Variants in VPS13B observed in about 807,000 individuals in gnomAD.
VPS13B encodes intermembrane lipid transfer protein VPS13B.
In VPS13B, 285 loss-of-function variants were observed where a neutral mutation model predicts 426.4. The observed-to-expected ratio is 0.67, with a 90% CI of 0.61 to 0.74. The LOEUF is 0.74. VPS13B is among the 30% of genes least tolerant of loss of function. VPS13B has a pLI of 0.00. For synonymous variants in VPS13B, 1,676 were observed against 1,676.4 expected (o/e 1.00, Z 0.01); for missense variants, 4,537 against 4,782.6 (o/e 0.95, Z 1.51).
intron 29 of VPS13B, among the ~76,000 whole-genome samples, chr8:99,513,030 A>C (rs1047816166): frequency 6.6e-6 from 1 of 151,872 alleles, no homozygotes; most frequent in African/African-American, 2.4e-5. Flanking sequence ...AAAAAAAAAA[A>C]ACCATAATGT....
At chr8:99,838,143 T>G (rs1224986121) in intron 54 of VPS13B, among the ~76,000 whole-genome samples, 2 of 152,236 alleles carry the variant, frequency 1.3e-5, no homozygotes, top group African/African-American at 4.8e-5. Flanking sequence ...GAAGTTGCTG[T>G]GGGCTTTCTG....
intron 6 of VPS13B, 81 bp downstream of exon 6, chr8:99,111,360 C>A: frequency 8.4e-7 from 1 of 1,185,742 alleles, no homozygotes; most frequent in Non-Finnish European, 1.2e-6. Context: ...TCATTATTAA[C>A]AAATGAAGAA....
chr8:99,190,957 A>AT (rs764129619), intron 16 of VPS13B, among the ~76,000 whole-genome samples: 5 of 151,930 alleles, frequency 3.3e-5, no homozygotes, highest in Non-Finnish European at 5.9e-5. Flanking sequence ...TTTCTTTAAC[A>AT]TTTTTTGTAG....
chr8:99,028,711 G>GTGGGGGGCTGACCC (rs1554573103), intron 2 of VPS13B, among the ~76,000 whole-genome samples: 1 of 139,814 alleles, frequency 7.2e-6, no homozygotes, highest in African/African-American at 2.7e-5. Flanking sequence ...GGCTGGCCGG[G>GTGGGGGGCTGACCC]TGGGGGGCTG....
chr8:99,809,421 AG>A lies in VPS13B; in HGVS notation c.7989del (p.Glu2663AspfsTer54). On this transcript the variant is annotated frameshift_variant, in exon 44 of 62. Coordinates refer to ENST00000357162, the MANE Select transcript of VPS13B (RefSeq NM_152564.5). LOFTEE classifies it high-confidence loss of function. ...IEGWGNWRWSEPFSVDHAGTF... is the reference protein window; with the variant it reads ...IEGWGNWRWSXPFSVDHAGTF... ...GGTTGGGGCAACTGGCGTTGGTCAG[AG>A]CCTTTCAGTGTGGACCATGCCGGGA... 1 of 1,613,974 alleles carries A rather than the reference AG, an allele frequency of 6.2e-7. No individual in the cohort carries two copies. The highest frequency in any genetic ancestry group is 8.5e-7 in the Non-Finnish European group (1 of 1,179,950).
chr8:99,387,308 C>T (rs1044002858), intron 20 of VPS13B, among the ~76,000 whole-genome samples: 3 of 152,024 alleles, frequency 2.0e-5, no homozygotes, highest in African/African-American at 7.3e-5. Flanking sequence ...GCCTTAACTT[C>T]GTGGGCTCAA....
chr8:99,575,165 T>TAA (rs1033570020), intron 31 of VPS13B, among the ~76,000 whole-genome samples: 2 of 150,574 alleles, frequency 1.3e-5, no homozygotes, highest in African/African-American at 4.9e-5. Context: ...GACCTTGTCT[T>TAA]AAAAAAAAAT....
At chr8:99,215,013 T>A (rs1257975303) in intron 17 of VPS13B, among the ~76,000 whole-genome samples, 1 of 152,312 alleles carries the variant, frequency 6.6e-6, no homozygotes, top group Admixed American at 6.5e-5. Flanking sequence ...GGAGCCCACC[T>A]TAAATGTCAG....
intron 19 of VPS13B, among the ~76,000 whole-genome samples, chr8:99,367,583 C>T (rs914271572): frequency 6.6e-6 from 1 of 152,308 alleles, no homozygotes; most frequent in East Asian, 1.9e-4. Context: ...AGTAAACTTT[C>T]TACACCTATA....
chr8:99,338,178 GT>G (rs1186813544), intron 19 of VPS13B, among the ~76,000 whole-genome samples: 2 of 151,876 alleles, frequency 1.3e-5, no homozygotes, highest in South Asian at 2.1e-4. Flanking sequence ...AGTACTATGT[GT>G]TTTTTGTTTT....
Position 99,712,759 on chromosome 8 carries a change from CAAAAAAAA to C in VPS13B, c.6455-4402_6455-4395del, listed in dbSNP as rs386360840. Among the ~76,000 whole-genome samples the C allele has an allele frequency of 1.1e-4, 11 of 98,146 alleles. No individual in the cohort carries two copies. The South Asian group carries it at 2.0e-3, about 18-fold the overall frequency. The allele number at this position is 98,146 out of a possible 152,430, so 64.4% of individuals were successfully genotyped here. ...GCTATCCCATTCTGTGTCCCCAAGC[CAAAAAAAA>C]AAAAAAAAATAGGATTTGTGTAATA... On this transcript the variant is annotated intron_variant, in intron 36 of 61. Coordinates refer to ENST00000357162, the MANE Select transcript of VPS13B (RefSeq NM_152564.5).
intron 39 of VPS13B, among the ~76,000 whole-genome samples, chr8:99,730,067 A>T (rs1298695801): frequency 6.6e-6 from 1 of 152,194 alleles, no homozygotes; most frequent in Non-Finnish European, 1.5e-5. Flanking sequence ...GTGTTCTTGG[A>T]TGTTTCTTTT....
intron 17 of VPS13B, among the ~76,000 whole-genome samples, chr8:99,202,244 T>C (rs1308608444): frequency 6.6e-6 from 1 of 152,202 alleles, no homozygotes; most frequent in African/African-American, 2.4e-5. Flanking sequence ...GAGAAAAGAA[T>C]AAAATTCAAG....
chr8:99,094,932 G>A (rs1846343645), intron 3 of VPS13B, among the ~76,000 whole-genome samples: 1 of 152,116 alleles, frequency 6.6e-6, no homozygotes, highest in African/African-American at 2.4e-5. Context: ...CTCCACATGT[G>A]CATCTTTACT....
intron 29 of VPS13B, among the ~76,000 whole-genome samples, chr8:99,511,798 T>A (rs1197155136): frequency 6.6e-6 from 1 of 152,222 alleles, no homozygotes; most frequent in Non-Finnish European, 1.5e-5. Flanking sequence ...ATTGTTTTAC[T>A]AAACTCAAAT....
At chr8:99,819,887 T>C (rs1814267446) in intron 48 of VPS13B, 34 bp from the exon 49 acceptor site, 4 of 1,609,452 alleles carry the variant, frequency 2.5e-6, no homozygotes, top group African/African-American at 1.3e-5. Context: ...TTATCATATT[T>C]CATTGAGTCT....
intron 47 of VPS13B, 139 bp downstream of exon 47, chr8:99,819,027 C>A: frequency 1.1e-6 from 1 of 877,650 alleles, no homozygotes; most frequent in Non-Finnish European, 1.8e-6. Context: ...GATTTCTTAT[C>A]TTATGAGAAT....
intron 3 of VPS13B, among the ~76,000 whole-genome samples, chr8:99,061,712 A>G (rs986073616): frequency 6.6e-6 from 1 of 152,190 alleles, no homozygotes; most frequent in African/African-American, 2.4e-5. Flanking sequence ...ATAATATTAT[A>G]AAATACCACT....
intron 3 of VPS13B, chr8:99,094,117 C>A (rs568678189): frequency 6.6e-6 from 1 of 152,254 alleles, no homozygotes; most frequent in South Asian, 2.1e-4. Flanking sequence ...TTTATTATGA[C>A]ATCACCATAA....
Sources: gnomAD v4.1 joint callset for allele counts (sites outside exome capture counted in the v4.1 genomes callset) on GRCh38, gnomAD v4.1.1 for gene constraint, MANE v1.5 for transcripts, NCBI Gene and HGNC (gene_info 2026-07-23, HGNC 2026-07-21) for gene names.